The following STK10 variants were observed in gnomAD, a reference collection of about 807,000 sequenced individuals.
The protein encoded by STK10 is serine/threonine kinase 10.
In STK10, 78 loss-of-function variants were observed where a neutral mutation model predicts 113.8. The ratio of observed to expected loss-of-function variants is 0.69; its 90% CI spans 0.57 to 0.83. The LOEUF (loss-of-function observed/expected upper bound fraction) is 0.83. STK10 is among the 40% of genes least tolerant of loss of function. STK10 has a pLI of 0.00. For missense variants in STK10, 1,109 were observed against 1,280.1 expected (o/e 0.87, Z 2.04); for synonymous variants, 465 against 494.7 (o/e 0.94, Z 0.80).
intron 2 of STK10, among the ~76,000 whole-genome samples, chr5:172,127,815 G>A (rs1034963790): frequency 1.3e-5 from 2 of 152,106 alleles, no homozygotes; most frequent in Admixed American, 6.5e-5. Flanking sequence ...GCCTTCCCCC[G>A]GCCAAGCTGG....
chr5:172,058,946 A>C (rs372275255), intron 14 of STK10, among the ~76,000 whole-genome samples: 1 of 152,284 alleles, frequency 6.6e-6, no homozygotes, highest in East Asian at 1.9e-4. Flanking sequence ...AAACAGGGCC[A>C]GGCGCGGTGG....
chr5:172,113,269 G>C (rs1769282035), intron 4 of STK10, among the ~76,000 whole-genome samples: 1 of 152,072 alleles, frequency 6.6e-6, no homozygotes, highest in Non-Finnish European at 1.5e-5. Flanking sequence ...GCCGGCTGCA[G>C]GATGAACAAA....
chr5:172,174,651 C>T (rs962365017), intron 1 of STK10, among the ~76,000 whole-genome samples: 11 of 152,206 alleles, frequency 7.2e-5, no homozygotes, highest in African/African-American at 2.4e-4. Context: ...AGGAAATCTA[C>T]AGGCAGCTGC....
At chr5:172,116,104 AGG>A (rs1009626991) in intron 4 of STK10, among the ~76,000 whole-genome samples, 16 of 152,184 alleles carry the variant, frequency 1.1e-4, no homozygotes, top group African/African-American at 3.4e-4. Context: ...TTCGTGAAAC[AGG>A]GTCTTACTCT....
intron 15 of STK10, chr5:172,057,038 AAAG>A (rs1767818880): frequency 5.1e-6 from 1 of 196,992 alleles, no homozygotes; most frequent in African/African-American, 2.4e-5. Context: ...AGAAAGAAAG[AAAG>A]AAAGAAAGAA....
At chr5:172,118,988 T>C (rs1050265203) in intron 3 of STK10, among the ~76,000 whole-genome samples, 3 of 151,974 alleles carry the variant, frequency 2.0e-5, no homozygotes, top group Non-Finnish European at 4.4e-5. Flanking sequence ...CTATTAAACT[T>C]TCCACTGGCT....
chr5:172,117,502 G>A lies in STK10; in HGVS notation c.499C>T (p.Leu167Phe). The change falls in exon 4 of 19, where the codon CTC becomes TTC. Residue 167 changes from leucine to phenylalanine, a missense_variant. This residue lies in a region of STK10 where 44 missense variants were observed against 84.4 expected (regional missense o/e 0.52). Coordinates refer to ENST00000176763, the MANE Select transcript of STK10 (RefSeq NM_005990.4). ...TTACCCAGCCTGATGTCTCCCTCGA[G>A]GGTCATCAGCACGTTGCCAGCTTTC... Reference protein sequence around the residue: ...DLKAGNVLMTLEGDIRLADFG... With the variant: ...DLKAGNVLMTFEGDIRLADFG... 6.2e-7 allele frequency: 1 copy of A among 1,612,426 alleles called. No homozygotes were observed. The highest frequency in any genetic ancestry group is 1.1e-5 in the South Asian group (1 of 91,016).
At chr5:172,074,952 C>G (rs10062822) in intron 12 of STK10, among the ~76,000 whole-genome samples, 31,698 of 151,360 alleles carry the variant, frequency 0.21, 4,290 homozygotes, top group African/African-American at 0.38. Flanking sequence ...CCACGAGCTG[C>G]AGGGTGCAAG....
intron 2 of STK10, among the ~76,000 whole-genome samples, chr5:172,129,443 C>T (rs1561818655): frequency 6.6e-6 from 1 of 152,216 alleles, no homozygotes; most frequent in East Asian, 1.9e-4. Context: ...TTCCCCAAGA[C>T]TTCTCTCTAA....
intron 1 of STK10, among the ~76,000 whole-genome samples, chr5:172,157,978 A>T (rs11134732): frequency 0.67 from 102,080 of 152,084 alleles, 35,920 homozygotes; most frequent in African/African-American, 0.91. Context: ...GAAAAGGCAG[A>T]CTGCGTAAGT....
At chr5:172,129,257 A>C (rs969564477) in intron 2 of STK10, among the ~76,000 whole-genome samples, 2 of 152,208 alleles carry the variant, frequency 1.3e-5, no homozygotes, top group Admixed American at 1.3e-4. Context: ...TTCCAGGGGT[A>C]GCAACCATTC....
intron 8 of STK10, among the ~76,000 whole-genome samples, chr5:172,095,989 G>C (rs1476492270): frequency 6.6e-6 from 1 of 152,186 alleles, no homozygotes; most frequent in Non-Finnish European, 1.5e-5. Flanking sequence ...AATGTGCCCA[G>C]ACATGGGTCC....
intron 2 of STK10, among the ~76,000 whole-genome samples, chr5:172,147,345 A>G (rs1441407067): frequency 6.6e-6 from 1 of 151,910 alleles, no homozygotes; most frequent in Non-Finnish European, 1.5e-5. Flanking sequence ...TGGAAAAAAA[A>G]GTGCACGGTC....
intron 13 of STK10, among the ~76,000 whole-genome samples, chr5:172,062,550 G>GT (rs2113704250): frequency 6.6e-6 from 1 of 152,306 alleles, no homozygotes; most frequent in East Asian, 1.9e-4. Flanking sequence ...CCACACAATG[G>GT]AATATTATTC....
chr5:172,110,518 C>A (rs1307871174), intron 4 of STK10, among the ~76,000 whole-genome samples: 1 of 152,082 alleles, frequency 6.6e-6, no homozygotes, highest in African/African-American at 2.4e-5. Flanking sequence ...TGCTGGGGTG[C>A]AGGGTGGGGA....
chr5:172,048,079 T>C (rs1767534184), intron 18 of STK10, among the ~76,000 whole-genome samples: 1 of 152,118 alleles, frequency 6.6e-6, no homozygotes, highest in African/African-American at 2.4e-5. Flanking sequence ...ATTTCTGTGA[T>C]GGTTAATTTT....
At position 172,133,384 on chromosome 5, in the gene STK10, T is replaced by A. The variant is rs1293753510; in HGVS notation, c.322-5963A>T. Among the ~76,000 whole-genome samples the A allele has an allele frequency of 1.3e-5, 2 of 152,134 alleles. No homozygotes were observed. Among genetic ancestry groups the A allele is most frequent in the African/African-American group, 2.4e-5 (1 of 41,426 alleles). On this transcript the variant is annotated intron_variant, in intron 2 of 18. Coordinates refer to ENST00000176763, the MANE Select transcript of STK10 (RefSeq NM_005990.4). The surrounding 1 kb of genome is among the most constrained non-coding windows in gnomAD (Gnocchi z 4.9). ...CCTGGGCACCATGGCTACCTCCCCC[T>A]CCACATACACCATGTCTTCCTTCCC...
At chr5:172,150,019 C>T (rs1396423585) in intron 2 of STK10, among the ~76,000 whole-genome samples, 1 of 141,768 alleles carries the variant, frequency 7.1e-6, no homozygotes, top group Non-Finnish European at 1.5e-5. Context: ...TGCAGTCCAG[C>T]CTGGGCAACA....
At chr5:172,147,552 CA>C (rs1191104629) in intron 2 of STK10, among the ~76,000 whole-genome samples, 5 of 152,170 alleles carry the variant, frequency 3.3e-5, no homozygotes, top group African/African-American at 1.2e-4. Context: ...TCACCATGCC[CA>C]GCTAATCTTT....
Sources: allele counts gnomAD v4.1 joint callset (sites outside exome capture counted in the v4.1 genomes callset), GRCh38; gene constraint gnomAD v4.1.1; regional missense constraint gnomAD v4.1.1; non-coding constraint Gnocchi (gnomAD v3.1); transcripts MANE v1.5; gene names NCBI Gene and HGNC (gene_info 2026-07-23, HGNC 2026-07-21).